PDE4B: variants seen among roughly 807,000 people sequenced by gnomAD.
PDE4B encodes 3',5'-cyclic-AMP phosphodiesterase 4B.
A neutral mutation model predicts 82.2 loss-of-function variants in PDE4B; 20 were observed. The ratio of observed to expected loss-of-function variants is 0.24; its 90% confidence interval spans 0.17 to 0.35. PDE4B has a LOEUF of 0.35. Ranked by LOEUF, PDE4B falls within the 10% of genes least tolerant of loss-of-function variation. The pLI is 1.00. For missense variants in PDE4B, 655 were observed against 907.2 expected (o/e 0.72, Z 3.57); for synonymous variants, 320 against 318.9 (o/e 1.00, Z -0.04).
chr1:66,247,712 C>A, intron 4 of PDE4B, 58 bp downstream of exon 4: 1 of 1,288,142 alleles, frequency 7.8e-7, no homozygotes, highest in South Asian at 1.5e-5. Flanking sequence ...CTACCCAGGT[C>A]ACAGTGGCAG....
chr1:65,944,233 C>T (rs1446462963), intron 3 of PDE4B, among the ~76,000 whole-genome samples: 2 of 151,626 alleles, frequency 1.3e-5, no homozygotes, highest in African/African-American at 2.4e-5. Flanking sequence ...TTTTCTGTAT[C>T]GAGAGGATCA....
At chr1:66,122,798 C>T (rs888959892) in intron 3 of PDE4B, among the ~76,000 whole-genome samples, 5 of 150,932 alleles carry the variant, frequency 3.3e-5, no homozygotes, top group African/African-American at 7.3e-5. Context: ...CTCTGCTTCC[C>T]GGATTCAAGT....
intron 3 of PDE4B, among the ~76,000 whole-genome samples, chr1:66,239,280 C>T (rs1652695899): frequency 6.6e-6 from 1 of 152,126 alleles, no homozygotes; most frequent in Non-Finnish European, 1.5e-5. Context: ...ACTCAAAGTG[C>T]ACCCTGGGGC....
chr1:65,941,701 A>G (rs996570249), intron 3 of PDE4B, among the ~76,000 whole-genome samples: 9 of 152,114 alleles, frequency 5.9e-5, no homozygotes, highest in African/African-American at 1.9e-4. Flanking sequence ...TACATTGTGA[A>G]ATAGGTAAAT....
chr1:66,126,678 A>C (rs1645830621), intron 3 of PDE4B, among the ~76,000 whole-genome samples: 1 of 152,232 alleles, frequency 6.6e-6, no homozygotes, highest in South Asian at 2.1e-4. Context: ...CAGGAGTAAT[A>C]ATAGTTGCAG....
chr1:66,286,541 A>G (rs1050900316), intron 7 of PDE4B, among the ~76,000 whole-genome samples: 9 of 152,170 alleles, frequency 5.9e-5, no homozygotes, highest in Admixed American at 5.9e-4. Context: ...ACAAGACAGC[A>G]TGGCAAACAG....
chr1:66,181,468 A>G (rs1321820161), intron 3 of PDE4B, among the ~76,000 whole-genome samples: 1 of 152,192 alleles, frequency 6.6e-6, no homozygotes, highest in Non-Finnish European at 1.5e-5. Flanking sequence ...AGGAATACAT[A>G]TCATATATAC....
Position 65,913,336 on chromosome 1 carries a change from A to G in PDE4B, c.22A>G (p.Met8Val). The change falls in exon 2 of 17, where the codon ATG (methionine) becomes GTG (valine). Residue 8 changes from methionine to valine, a missense_variant. Met to Val is a conservative substitution (Grantham distance 21). Around this residue, in one of 3 missense-constraint regions of PDE4B, gnomAD observed 253 missense variants for 275.6 expected, o/e 0.92. Coordinates refer to ENST00000341517, the MANE Select transcript of PDE4B (RefSeq NM_002600.4). ...TATAATGAAGAAAAGCAGGAGTGTG[A>G]TGACGGTGATGGCTGATGATGTAAG... The part of the protein sequence containing the change: MKKSRSV[M>V]TVMADDNVKD... 2 of 1,613,744 alleles carry G rather than the reference A, an allele frequency of 1.2e-6. No homozygotes were observed. Among genetic ancestry groups the G allele is most frequent in the South Asian group, 2.2e-5 (2 of 91,080 alleles).
intron 9 of PDE4B, among the ~76,000 whole-genome samples, chr1:66,358,236 A>G (rs562385559): frequency 6.6e-6 from 1 of 152,282 alleles, no homozygotes; most frequent in Admixed American, 6.5e-5. Flanking sequence ...AGACCTAAAT[A>G]CCCTGTCAAT....
chr1:65,928,705 G>A (rs998031683), intron 3 of PDE4B, among the ~76,000 whole-genome samples: 2 of 152,162 alleles, frequency 1.3e-5, no homozygotes, highest in African/African-American at 2.4e-5. Flanking sequence ...CAGCTGGGAT[G>A]AGAGGTCTAA....
intron 3 of PDE4B, among the ~76,000 whole-genome samples, chr1:66,207,649 A>T (rs1224503145): frequency 1.3e-5 from 2 of 152,210 alleles, no homozygotes; most frequent in Non-Finnish European, 2.9e-5. Flanking sequence ...CATATGATAC[A>T]CAAAGGGGAA....
intron 3 of PDE4B, among the ~76,000 whole-genome samples, chr1:65,960,517 A>C (rs1649492848): frequency 6.6e-6 from 1 of 152,028 alleles, no homozygotes; most frequent in Middle Eastern, 3.2e-3. Context: ...TGAATGTTAG[A>C]CTGAGCTTTG....
chr1:66,301,862 C>A (rs1206679950), intron 7 of PDE4B, among the ~76,000 whole-genome samples: 2 of 152,054 alleles, frequency 1.3e-5, no homozygotes, highest in African/African-American at 4.8e-5. Flanking sequence ...TAAGTCATGA[C>A]TTTGTGATGG....
Position 66,082,641 on chromosome 1 carries a change from A to AATATATATATATAT in PDE4B, c.281+163812_281+163825dup, listed in dbSNP as rs67481716. On this transcript the variant is annotated intron_variant, in intron 3 of 16. Transcript: ENST00000341517. Reference sequence around the variant, plus strand: ...ATAGGAATTTTGATAGGATTGAAATAATATATATATATATATATACAGTGC... The same window carrying AATATATATATATAT: ...ATAGGAATTTTGATAGGATTGAAATAATATATATATATATATATATATATATATATATACAGTGC... Among the ~76,000 whole-genome samples the AATATATATATATAT allele has an allele frequency of 6.3e-3, 932 of 147,842 alleles. 17 individuals carry two copies. Among genetic ancestry groups the AATATATATATATAT allele is most frequent in the African/African-American group, 0.022 (881 of 40,304 alleles).
chr1:66,090,897 A>T (rs1437328154), intron 3 of PDE4B, among the ~76,000 whole-genome samples: 1 of 151,880 alleles, frequency 6.6e-6, no homozygotes, highest in African/African-American at 2.4e-5. Context: ...AGGTCTGAAA[A>T]TGTTTAATTA....
intron 3 of PDE4B, among the ~76,000 whole-genome samples, chr1:66,075,914 CAAAACAAAACAAAA>C (rs763376623): frequency 0.013 from 559 of 43,970 alleles, 6 homozygotes; most frequent in African/African-American, 0.029. Flanking sequence ...CAAAACAAAA[CAAAACAAAACAAAA>C]AAAACAAAAC....
chr1:66,317,506 G>A lies in PDE4B; in HGVS notation c.635-15002G>A, dbSNP rs184140209. Among the ~76,000 whole-genome samples the A allele has an allele frequency of 2.0e-5, 3 of 152,178 alleles. No individual in the cohort carries two copies. The East Asian group carries it at 5.8e-4, about 29-fold the overall frequency. Reference sequence around the variant, plus strand: ...TTGGTGTAGATGATAAGATTTGAGAGAAGCAGGGATCTTGTTGGGATGAAT... The same window carrying A: ...TTGGTGTAGATGATAAGATTTGAGAAAAGCAGGGATCTTGTTGGGATGAAT... On this transcript the variant is annotated intron_variant, in intron 7 of 16. Transcript: ENST00000341517.
At position 65,823,979 on chromosome 1, in the gene PDE4B, C is replaced by G. The variant is rs1018247737; in HGVS notation, c.-71+30731C>G. Among the ~76,000 whole-genome samples the G allele has an allele frequency of 3.9e-5, 6 of 152,276 alleles. No individual in the cohort carries two copies. In the East Asian group the frequency reaches 1.2e-3, roughly 29 times the overall value. On this transcript the variant is annotated intron_variant, in intron 1 of 16. Transcript: ENST00000341517. ...GTTTATATTTCCCTTGTTCTCTTGA[C>G]CACTTTCTACCTGGTGTTATAGTTG...
chr1:66,372,887 G>C lies in PDE4B; in HGVS notation c.*209G>C. 1 of 551,394 alleles carries C rather than the reference G, an allele frequency of 1.8e-6. No homozygotes were observed. Among genetic ancestry groups the C allele is most frequent in the Non-Finnish European group, 3.2e-6 (1 of 310,262 alleles). The allele number at this position is 551,394 out of a possible 1,614,324, so 34.2% of individuals were successfully genotyped here. ...TTGACTTGCCTTGATGGCAAGCTTG[G>C]TGGAGAGGGCTGAAGCTGTTGCTGG... On this transcript the variant is annotated 3_prime_UTR_variant, in exon 17 of 17. Coordinates refer to ENST00000341517, the MANE Select transcript of PDE4B (RefSeq NM_002600.4).
Sources: allele counts gnomAD v4.1 joint callset (sites outside exome capture counted in the v4.1 genomes callset), GRCh38; gene constraint gnomAD v4.1.1; regional missense constraint gnomAD v4.1.1; transcripts MANE v1.5; gene names NCBI Gene and HGNC (gene_info 2026-07-23, HGNC 2026-07-21).